GRK6: variants seen among roughly 807,000 people sequenced by gnomAD.
GRK6 encodes G protein-coupled receptor kinase 6.
A neutral mutation model predicts 80.8 loss-of-function variants in GRK6; 37 were observed. That is an observed-to-expected ratio of 0.46 (90% CI 0.35 to 0.60). The LOEUF is 0.60. Among genes scored for constraint, GRK6 ranks in the 20% least tolerant of loss-of-function variants. The pLI is 0.00. For missense variants in GRK6, 560 were observed against 784.6 expected, an observed-to-expected ratio of 0.71 and a Z score of 3.42; for synonymous variants, 295 against 320.9, an observed-to-expected ratio of 0.92 and a Z score of 0.86.
At chr5:177,437,905 A>T (rs2127379074) in intron 13 of GRK6, among the ~76,000 whole-genome samples, 1 of 152,340 alleles carries the variant, frequency 6.6e-6, no homozygotes, top group African/African-American at 2.4e-5. Context: ...GCTGTCAATG[A>T]CACACACGTT....
In GRK6 at chr5:177,432,271, A is replaced by C; in HGVS notation, c.300A>C (p.Ala100=). The stretch of plus-strand genomic sequence containing the variant: ...TGACCCCGGATGACAAGCGGAAGGC[A>C]TGTGGGCGGCAGCTAACGCAGAATT... ...YEVTPDDKRK[A]CGRQLTQNFL... Residue 100 remains alanine, a synonymous_variant, in exon 4 of 16, where the codon GCA becomes GCC. Transcript: ENST00000355472. 1 of 1,613,298 alleles carries C rather than the reference A, an allele frequency of 6.2e-7. No individual in the cohort carries two copies. Among genetic ancestry groups the C allele is most frequent in the East Asian group, 2.2e-5 (1 of 44,878 alleles).
chr5:177,429,549 C>T lies in GRK6; in HGVS notation c.53-1323C>T, dbSNP rs563701208. On this transcript the variant is annotated intron_variant, in intron 1 of 15. Transcript: ENST00000355472. The surrounding 1 kb of genome is among the most constrained non-coding windows in gnomAD (Gnocchi z 4.3). ...TGAAGCAATGACTGCAGGGCATGTT[C>T]GCAGGAGGCCTCTAGCAAGTTTCTC... Among the ~76,000 whole-genome samples the T allele has an allele frequency of 7.9e-5, 12 of 152,254 alleles. No homozygotes were observed. Among genetic ancestry groups the T allele is most frequent in the Non-Finnish European group, 7.4e-5 (5 of 68,010 alleles).
rs1299071573 is a variant in GRK6, at chr5:177,432,381, T to C, written c.339+71T>C. The stretch of plus-strand genomic sequence containing the variant: ...GTGTCAGGCACAGGAGTGACCACAG[T>C]GTCAGGCTTCTGAGGGTGGTCTCTT... On this transcript the variant is annotated intron_variant, in intron 4 of 15. Coordinates refer to ENST00000355472, the MANE Select transcript of GRK6 (RefSeq NM_001004106.3). The C allele has an allele frequency of 2.1e-6, 3 of 1,440,548 alleles. No homozygotes were observed. The African/African-American group carries it at 4.2e-5, about 20-fold the overall frequency. 89.2% of individuals were successfully genotyped at this position (1,440,548 alleles called of 1,614,324 possible). A position where few individuals can be genotyped will look rare whatever the true frequency, so the allele number is the denominator to read the frequency against.
At chr5:177,426,955 C>G in intron 1 of GRK6, 58 bp downstream of exon 1, 1 of 1,164,714 alleles carries the variant, frequency 8.6e-7, no homozygotes. Flanking sequence ...TGCGCTGCGT[C>G]TGAGCTCCGC....
intron 13 of GRK6, among the ~76,000 whole-genome samples, chr5:177,440,348 T>A (rs1764410926): frequency 6.6e-6 from 1 of 152,104 alleles, no homozygotes. Context: ...AGGCTCTGCG[T>A]GGTGGTGCCC....
At position 177,442,039 on chromosome 5, in the gene GRK6, A is replaced by G; in HGVS notation, c.*249A>G. On this transcript the variant is annotated 3_prime_UTR_variant, in exon 16 of 16. Transcript: ENST00000355472. ...GTGGAGCTCGGGGCTTTCTGTATTT[A>G]TGTATTTGTACGAATGTATATAGCG... The G allele has an allele frequency of 1.8e-6, 1 of 554,598 alleles. No homozygotes were observed. The highest frequency in any genetic ancestry group is 3.4e-5 in the Admixed American group (1 of 29,070). The allele number at this position is 554,598 out of a possible 1,614,324, so 34.4% of individuals were successfully genotyped here.
intron 1 of GRK6, among the ~76,000 whole-genome samples, chr5:177,430,094 A>C (rs1271532143): frequency 6.6e-6 from 1 of 152,112 alleles, no homozygotes; most frequent in Non-Finnish European, 1.5e-5. Context: ...TGCTTTTGAA[A>C]AAATCAGAAG....
In GRK6 at chr5:177,440,923, T is replaced by C; in HGVS notation, c.1547T>C (p.Val516Ala). The C allele has an allele frequency of 6.2e-7, 1 of 1,613,956 alleles. No individual in the cohort carries two copies. The highest frequency in any genetic ancestry group is 8.5e-7 in the Non-Finnish European group (1 of 1,179,980). Reference sequence around the variant, plus strand: ...CAGCCGCCTGCTCCTCAGCAGATGGTGGAGACCGAGTGCTTCCAAGAGCTG... The same window carrying C: ...CAGCCGCCTGCTCCTCAGCAGATGGCGGAGACCGAGTGCTTCCAAGAGCTG... ...SVPIPWQNEM[V>A]ETECFQELNV... Residue 516 changes from valine to alanine, a missense_variant, in exon 15 of 16, where the codon GTG (valine) becomes GCG (alanine). Coordinates refer to ENST00000355472, the MANE Select transcript of GRK6 (RefSeq NM_001004106.3).
At chr5:177,430,844 G>T in intron 1 of GRK6, 28 bp from the exon 2 acceptor site, 1 of 1,606,336 alleles carries the variant, frequency 6.2e-7, no homozygotes, top group South Asian at 1.1e-5. Context: ...AGTGGGACTC[G>T]AGACCCAGTG....
In GRK6 at chr5:177,432,812, C is replaced by G. The variant is rs200855680; in HGVS notation, c.440+6C>G. On this transcript the variant is annotated splice_donor_region_variant and intron_variant, in intron 5 of 15. Transcript: ENST00000355472. ...CTTTTCCAGGAACTCACCCGGTAAG[C>G]CTGTCCCTGCCCACAAGCCTGGAAT... 5 of 1,598,236 alleles carry G rather than the reference C, an allele frequency of 3.1e-6. No homozygotes were observed. Among genetic ancestry groups the G allele is most frequent in the Non-Finnish European group, 4.3e-6 (5 of 1,167,910 alleles).
Position 177,428,994 on chromosome 5 carries a change from C to T in GRK6, c.53-1878C>T, listed in dbSNP as rs1473463026. On this transcript the variant is annotated intron_variant, in intron 1 of 15. Transcript: ENST00000355472. The surrounding 1 kb of genome is among the most constrained non-coding windows in gnomAD (Gnocchi z 4.1). Reference sequence around the variant, plus strand: ...ACAGTTGGCACCTAATAGATGCCAGCCATGTTTGGGGTGGGAAAGGAGCTT... The same window carrying T: ...ACAGTTGGCACCTAATAGATGCCAGTCATGTTTGGGGTGGGAAAGGAGCTT... Among the ~76,000 whole-genome samples the T allele has an allele frequency of 6.6e-6, 1 of 152,002 alleles. No individual in the cohort carries two copies. Among genetic ancestry groups the T allele is most frequent in the Non-Finnish European group, 1.5e-5 (1 of 68,012 alleles).
Position 177,433,186 on chromosome 5 carries a change from C to T in GRK6, c.480C>T (p.Asp160=). 1 of 1,614,156 alleles carries T rather than the reference C, an allele frequency of 6.2e-7. No individual in the cohort carries two copies. The change falls in exon 6 of 16, where the codon GAC becomes GAT. Residue 160 remains aspartate, a synonymous_variant. Coordinates refer to ENST00000355472, the MANE Select transcript of GRK6 (RefSeq NM_001004106.3). ...HEYLSVAPFA[D]YLDSIYFNRF... is the part of the protein sequence containing the mutation. The stretch of plus-strand genomic sequence containing the variant: ...ACCTGAGCGTGGCCCCTTTTGCCGA[C>T]TACCTCGACAGCATCTACTTCAACC...
At position 177,434,537 on chromosome 5, in the gene GRK6, C is replaced by T. The variant is rs559678780; in HGVS notation, c.930-365C>T. ...CCCTGGCTCTGATTGTTGCCGACTT[C>T]CTGTGAACCTCACAACAGCCTAGTC... is the stretch of plus-strand genomic sequence containing the variant. On this transcript the variant is annotated intron_variant, in intron 9 of 15. Coordinates refer to ENST00000355472, the MANE Select transcript of GRK6 (RefSeq NM_001004106.3). Among the ~76,000 whole-genome samples the T allele has an allele frequency of 2.6e-5, 4 of 152,322 alleles. No homozygotes were observed. The South Asian group carries it at 8.3e-4, about 32-fold the overall frequency.
Position 177,434,944 on chromosome 5 carries a change from G to A in GRK6, c.967+5G>A. ...ACATCTTGCTGGATGACCACGGTGT[G>A]TAAGGGTGCCTGGGGTGGGTCAGGG... On this transcript the variant is annotated splice_donor_5th_base_variant and intron_variant, in intron 10 of 15. Coordinates refer to ENST00000355472, the MANE Select transcript of GRK6 (RefSeq NM_001004106.3). 1 of 1,004,908 alleles carries A rather than the reference G, an allele frequency of 1.0e-6. No individual in the cohort carries two copies. The highest frequency in any genetic ancestry group is 1.9e-5 in the Admixed American group (1 of 53,584). The allele number at this position is 1,004,908 out of a possible 1,614,324, so 62.2% of individuals were successfully genotyped here.
Position 177,432,252 on chromosome 5 carries a change from CG to C in GRK6, c.283del (p.Asp95MetfsTer11). 1 of 1,613,626 alleles carries C rather than the reference CG, an allele frequency of 6.2e-7. No homozygotes were observed. The highest frequency in any genetic ancestry group is 1.1e-5 in the South Asian group (1 of 91,054). ...LDGVAEYEVTPDDKRKACGRQ... is the reference protein window; with the variant it reads ...LDGVAEYEVTXDDKRKACGRQ... ...CTGCAGGCCGAGTATGAAGTGACCC[CG>C]GATGACAAGCGGAAGGCATGTGGGC... is the stretch of plus-strand genomic sequence containing the variant. On this transcript the variant is annotated frameshift_variant, in exon 4 of 16. Coordinates refer to ENST00000355472, the MANE Select transcript of GRK6 (RefSeq NM_001004106.3). LOFTEE classifies it high-confidence loss of function.
At chr5:177,441,694 C>G in intron 15 of GRK6, 43 bp from the exon 16 acceptor site, 1 of 1,504,136 alleles carries the variant, frequency 6.6e-7, no homozygotes, top group Non-Finnish European at 9.3e-7. Context: ...ATGGCACCTG[C>G]TCTGCCTCTC....
chr5:177,431,124 C>T (rs1763872189), intron 2 of GRK6, among the ~76,000 whole-genome samples, 157 bp downstream of exon 2: 1 of 152,230 alleles, frequency 6.6e-6, no homozygotes, highest in African/African-American at 2.4e-5. Flanking sequence ...GTTTCAGTTC[C>T]TGGGCTTGGG....
chr5:177,439,486 G>C (rs1764346833), intron 13 of GRK6, among the ~76,000 whole-genome samples: 1 of 150,698 alleles, frequency 6.6e-6, no homozygotes, highest in African/African-American at 2.4e-5. Context: ...GTTGCAGTGA[G>C]CTGAGATCAC....
chr5:177,435,043 A>G lies in GRK6; in HGVS notation c.979A>G (p.Ile327Val). The change falls in exon 11 of 16, where the codon ATC becomes GTC. Residue 327 changes from isoleucine (I) to valine (V), a missense_variant. By Grantham distance (29) the Ile-to-Val change is conservative. Around this residue, in one of 3 missense-constraint regions of GRK6, gnomAD observed 294 missense variants for 397.4 expected, o/e 0.74. Coordinates refer to ENST00000355472, the MANE Select transcript of GRK6 (RefSeq NM_001004106.3). The stretch of plus-strand genomic sequence containing the variant: ...CCACCCACACTCAGGCCACATCCGC[A>G]TCTCTGACCTGGGACTAGCTGTGCA... ...ILLDDHGHIR[I>V]SDLGLAVHVP... 6.2e-7 allele frequency: 1 copy of G among 1,612,954 alleles called. No individual in the cohort carries two copies. Among genetic ancestry groups the G allele is most frequent in the South Asian group, 1.1e-5 (1 of 91,016 alleles).
Sources: gnomAD v4.1 joint callset for allele counts (sites outside exome capture counted in the v4.1 genomes callset) on GRCh38, gnomAD v4.1.1 for gene constraint, gnomAD v4.1.1 regional missense constraint, Gnocchi (gnomAD v3.1) non-coding constraint, MANE v1.5 for transcripts, NCBI Gene and HGNC (gene_info 2026-07-23, HGNC 2026-07-21) for gene names.